Variants in ATP10A observed in about 807,000 individuals in gnomAD.
ATP10A encodes phospholipid-transporting ATPase VA.
A neutral mutation model predicts 147.8 loss-of-function variants in ATP10A; 111 were observed. That is an observed-to-expected ratio of 0.75 (90% CI 0.64 to 0.88). The LOEUF (loss-of-function observed/expected upper bound fraction) is 0.88. Among genes scored for constraint, ATP10A ranks in the 40% least tolerant of loss-of-function variants. The pLI, the probability that ATP10A is intolerant of heterozygous loss-of-function variation, is 0.00. For missense variants in ATP10A, 1,927 were observed against 1,959.0 expected, an observed-to-expected ratio of 0.98 and a Z score of 0.31; for synonymous variants, 875 against 841.6, an observed-to-expected ratio of 1.04 and a Z score of -0.69.
chr15:25,721,195 C>T (rs534257581), intron 7 of ATP10A, among the ~76,000 whole-genome samples: 4 of 152,268 alleles, frequency 2.6e-5, no homozygotes, highest in Admixed American at 6.5e-5. Context: ...GGGAGTGAGG[C>T]GATTCATCTT....
chr15:25,673,836 C>T (rs1017520074), downstream of ATP10A, among the ~76,000 whole-genome samples: 5 of 152,158 alleles, frequency 3.3e-5, no homozygotes, highest in African/African-American at 1.2e-4. Context: ...GCTTCTTAGC[C>T]CTGTCTTGGC....
chr15:25,856,228 G>A (rs144827652), intron 1 of ATP10A, among the ~76,000 whole-genome samples: 183 of 152,168 alleles, frequency 1.2e-3, no homozygotes, highest in African/African-American at 3.5e-3. Context: ...TCATGGAGGC[G>A]GTTTCCTCCA....
chr15:25,770,146 G>A (rs1307551963), intron 2 of ATP10A, among the ~76,000 whole-genome samples: 5 of 150,978 alleles, frequency 3.3e-5, no homozygotes, highest in African/African-American at 9.9e-5. Flanking sequence ...TTTAAAACAC[G>A]ACCCGGGCGA....
chr15:25,786,792 G>GTTTTTT (rs60057456), intron 1 of ATP10A, among the ~76,000 whole-genome samples: 6 of 135,296 alleles, frequency 4.4e-5, no homozygotes, highest in African/African-American at 1.1e-4. Flanking sequence ...TGCCCAGCTA[G>GTTTTTT]TTTTTTTTTT....
At chr15:25,838,930 G>A (rs1892695069) in intron 1 of ATP10A, among the ~76,000 whole-genome samples, 3 of 152,208 alleles carry the variant, frequency 2.0e-5, no homozygotes, top group African/African-American at 4.8e-5. Flanking sequence ...CGAGTTCACT[G>A]TAAACTTGTC....
chr15:25,821,842 C>T (rs1191683537), intron 1 of ATP10A, among the ~76,000 whole-genome samples: 1 of 152,182 alleles, frequency 6.6e-6, no homozygotes, highest in African/African-American at 2.4e-5. Flanking sequence ...GCAAAGAATC[C>T]TGCAAATGAT....
chr15:25,800,062 G>A (rs765561367), intron 1 of ATP10A, among the ~76,000 whole-genome samples: 9 of 152,186 alleles, frequency 5.9e-5, no homozygotes, highest in Non-Finnish European at 1.2e-4. Flanking sequence ...ACTCGCCTGG[G>A]GGCCAGGGTG....
chr15:25,754,066 A>C (rs9972559), intron 2 of ATP10A, among the ~76,000 whole-genome samples: 124,682 of 152,156 alleles, frequency 0.82, 51,476 homozygotes, highest in Non-Finnish European at 0.86. Context: ...TCCCAAAGTG[A>C]TGAGATGACA....
chr15:25,687,225 GGATTTTCC>G (rs1219996632), intron 16 of ATP10A, among the ~76,000 whole-genome samples: 1 of 46,236 alleles, frequency 2.2e-5, no homozygotes, highest in Non-Finnish European at 3.3e-5. Flanking sequence ...GCTTATCATT[GGATTTTCC>G]GTCTACTCTA....
chr15:25,710,962 G>C (rs936804979), intron 10 of ATP10A: 11 of 152,274 alleles, frequency 7.2e-5, no homozygotes, highest in African/African-American at 2.7e-4. Flanking sequence ...AGGGGCTCAT[G>C]TGGGGACTTC....
intron 1 of ATP10A, chr15:25,848,822 C>T (rs1198631423): frequency 6.5e-6 from 1 of 153,490 alleles, no homozygotes; most frequent in Non-Finnish European, 1.5e-5. Context: ...AACTTTCATT[C>T]CCCTTTCTCA....
chr15:25,733,301 G>T (rs1456181646), intron 3 of ATP10A, among the ~76,000 whole-genome samples: 1 of 152,138 alleles, frequency 6.6e-6, no homozygotes, highest in African/African-American at 2.4e-5. Context: ...TTAGCTCCCT[G>T]CCCTGGGCAT....
intron 20 of ATP10A, 33 bp from the exon 21 acceptor site, chr15:25,680,007 T>A (rs1195602348): frequency 6.3e-7 from 1 of 1,584,872 alleles, no homozygotes; most frequent in South Asian, 1.1e-5. Flanking sequence ...AAAAGTTAGA[T>A]ATTCCTGTCG....
chr15:25,682,876 A>G (rs969497343), intron 17 of ATP10A, among the ~76,000 whole-genome samples: 1 of 152,246 alleles, frequency 6.6e-6, no homozygotes, highest in Non-Finnish European at 1.5e-5. Flanking sequence ...TCTATGTGGT[A>G]TATTAATGCC....
At chr15:25,784,961 T>C (rs1867510) in intron 1 of ATP10A, among the ~76,000 whole-genome samples, 120,763 of 151,296 alleles carry the variant, frequency 0.8, 50,064 homozygotes, top group East Asian at 0.96. Context: ...CTGCAGTCCA[T>C]GGGAATCCCT....
intron 1 of ATP10A, among the ~76,000 whole-genome samples, chr15:25,859,643 C>T (rs763453390): frequency 2.6e-5 from 4 of 151,932 alleles, no homozygotes; most frequent in Non-Finnish European, 4.4e-5. Context: ...TCCTAAATAG[C>T]GTGTGAAATC....
intron 1 of ATP10A, among the ~76,000 whole-genome samples, chr15:25,827,602 C>T (rs1167971198): frequency 1.3e-5 from 2 of 152,016 alleles, no homozygotes; most frequent in African/African-American, 4.8e-5. Flanking sequence ...AATTTAGATG[C>T]TAATTAAAAC....
chr15:25,733,890 G>T (rs8040705), intron 3 of ATP10A, among the ~76,000 whole-genome samples: 7 of 151,882 alleles, frequency 4.6e-5, no homozygotes, highest in Non-Finnish European at 7.4e-5. Context: ...GGACACCACA[G>T]GAGGAACGCC....
intron 2 of ATP10A, among the ~76,000 whole-genome samples, chr15:25,780,061 C>T (rs1274364797): frequency 3.3e-5 from 5 of 152,178 alleles, no homozygotes; most frequent in Non-Finnish European, 5.9e-5. Flanking sequence ...GATGCTAGAG[C>T]CCCCCACAAC....
Sources: allele counts gnomAD v4.1 joint callset (sites outside exome capture counted in the v4.1 genomes callset), GRCh38; gene constraint gnomAD v4.1.1; transcripts MANE v1.5; gene names NCBI Gene and HGNC (gene_info 2026-07-23, HGNC 2026-07-21).